Variants in COL23A1 observed in about 807,000 individuals in gnomAD.
COL23A1 encodes the protein collagen type XXIII alpha 1 chain.
Under a neutral mutation model 99.3 loss-of-function variants are expected in COL23A1, and 97 were observed. The ratio of observed to expected loss-of-function variants is 0.98; its 90% confidence interval spans 0.83 to 1.16. The LOEUF (loss-of-function observed/expected upper bound fraction) is 1.16, where lower values mean the gene tolerates loss of function less well. Ranked by LOEUF, COL23A1 falls within the 50% of genes most tolerant of loss-of-function variation. COL23A1 has a pLI of 0.00. For synonymous variants in COL23A1, 320 were observed against 308.2 expected (o/e 1.04, Z -0.40); for missense variants, 762 against 757.4 (o/e 1.01, Z -0.07).
intron 2 of COL23A1, among the ~76,000 whole-genome samples, chr5:178,528,901 A>C (rs1007955011): frequency 5.3e-5 from 8 of 152,252 alleles, no homozygotes; most frequent in African/African-American, 1.9e-4. Flanking sequence ...TTCTGATCCC[A>C]GAGTTCTTGG....
At chr5:178,539,801 A>C (rs1353354150) in intron 2 of COL23A1, among the ~76,000 whole-genome samples, 1 of 152,174 alleles carries the variant, frequency 6.6e-6, no homozygotes, top group Non-Finnish European at 1.5e-5. Flanking sequence ...CCTTATACCA[A>C]AACTGGACCA....
chr5:178,333,561 A>C (rs1244726594), intron 2 of COL23A1, among the ~76,000 whole-genome samples: 1 of 152,122 alleles, frequency 6.6e-6, no homozygotes, highest in Non-Finnish European at 1.5e-5. Context: ...CCAGTGATCA[A>C]GCCCTTTGTG....
chr5:178,259,754 G>C lies in COL23A1; in HGVS notation c.703-7C>G. ...CAGGTACTCCAGGCTCACCCTGGGG[G>C]AGGCAATGGGGGGTTCAAGAGCAAG... On this transcript the variant is annotated splice_region_variant and splice_polypyrimidine_tract_variant and intron_variant, in intron 11 of 28. Transcript: ENST00000390654. 6.2e-7 allele frequency: 1 copy of C among 1,603,334 alleles called. No homozygotes were observed. The highest frequency in any genetic ancestry group is 1.1e-5 in the South Asian group (1 of 89,280).
At chr5:178,360,668 A>C (rs1277393647) in intron 2 of COL23A1, among the ~76,000 whole-genome samples, 1 of 152,228 alleles carries the variant, frequency 6.6e-6, no homozygotes, top group African/African-American at 2.4e-5. Flanking sequence ...CATGAAACAT[A>C]ATATGTTTCG....
intron 2 of COL23A1, among the ~76,000 whole-genome samples, chr5:178,379,243 A>C (rs1243153915): frequency 6.6e-6 from 1 of 152,224 alleles, no homozygotes; most frequent in Non-Finnish European, 1.5e-5. Context: ...TCAACTAAAA[A>C]AAACCCTTAT....
chr5:178,331,586 G>A (rs895419060), intron 2 of COL23A1, among the ~76,000 whole-genome samples: 2 of 152,234 alleles, frequency 1.3e-5, no homozygotes, highest in Non-Finnish European at 2.9e-5. Context: ...AGCAGGGAGG[G>A]CGAGGCTCTG....
At chr5:178,585,633 C>T (rs78622783) in intron 1 of COL23A1, among the ~76,000 whole-genome samples, 4 of 25,064 alleles carry the variant, frequency 1.6e-4, no homozygotes, top group South Asian at 1.2e-3. Context: ...GCTGGGGTAA[C>T]ACTCCACAGC....
At chr5:178,277,764 TGC>T (rs1756672024) in intron 5 of COL23A1, among the ~76,000 whole-genome samples, 3 of 112,790 alleles carry the variant, frequency 2.7e-5, no homozygotes, top group African/African-American at 1.1e-4. Flanking sequence ...TACAGCACTG[TGC>T]CTTTGAACCG....
intron 2 of COL23A1, among the ~76,000 whole-genome samples, chr5:178,559,331 AG>A (rs1398343613): frequency 6.6e-6 from 1 of 152,254 alleles, no homozygotes; most frequent in Middle Eastern, 3.2e-3. Flanking sequence ...GGCTAATGGA[AG>A]GAATGAGAGA....
chr5:178,556,848 GA>G (rs1419828592), intron 2 of COL23A1, among the ~76,000 whole-genome samples: 1 of 151,782 alleles, frequency 6.6e-6, no homozygotes, highest in African/African-American at 2.4e-5. Flanking sequence ...AGCTACTCGG[GA>G]GGCTGAGGCA....
At chr5:178,448,748 G>A (rs1767313194) in intron 2 of COL23A1, among the ~76,000 whole-genome samples, 1 of 151,480 alleles carries the variant, frequency 6.6e-6, no homozygotes, top group South Asian at 2.1e-4. Flanking sequence ...GTATACTGCT[G>A]CACTGGAGAT....
intron 2 of COL23A1, among the ~76,000 whole-genome samples, chr5:178,538,013 A>G (rs1387396143): frequency 3.3e-5 from 5 of 152,194 alleles, no homozygotes; most frequent in Non-Finnish European, 1.5e-5. Flanking sequence ...AGTCGAATTC[A>G]TCCACGTTTG....
chr5:178,414,772 A>T (rs1425734940), intron 2 of COL23A1, among the ~76,000 whole-genome samples: 1 of 152,136 alleles, frequency 6.6e-6, no homozygotes, highest in Non-Finnish European at 1.5e-5. Flanking sequence ...ACTCCAACTA[A>T]ATAAAAAAAG....
At chr5:178,579,197 A>G (rs1309917543) in intron 1 of COL23A1, among the ~76,000 whole-genome samples, 2 of 152,204 alleles carry the variant, frequency 1.3e-5, no homozygotes, top group Non-Finnish European at 2.9e-5. Flanking sequence ...TAGCAAACAG[A>G]TGTAGACATT....
chr5:178,322,628 T>C (rs1270533776), intron 2 of COL23A1, among the ~76,000 whole-genome samples: 1 of 151,790 alleles, frequency 6.6e-6, no homozygotes, highest in Admixed American at 6.6e-5. Flanking sequence ...CTCCAGGTCA[T>C]GTGAAGATGA....
intron 2 of COL23A1, among the ~76,000 whole-genome samples, chr5:178,532,707 C>A (rs1312340103): frequency 2.6e-5 from 4 of 152,122 alleles, no homozygotes; most frequent in Admixed American, 2.6e-4. Flanking sequence ...GTGATGATGG[C>A]ATTTGGAGGC....
intron 2 of COL23A1, among the ~76,000 whole-genome samples, chr5:178,447,425 C>A (rs186883703): frequency 3.3e-5 from 5 of 152,172 alleles, no homozygotes; most frequent in Non-Finnish European, 7.3e-5. Flanking sequence ...GGGTCAATGA[C>A]GCATATACGG....
intron 2 of COL23A1, among the ~76,000 whole-genome samples, chr5:178,329,763 C>A (rs1334773079): frequency 1.3e-5 from 2 of 152,064 alleles, no homozygotes; most frequent in Non-Finnish European, 2.9e-5. Flanking sequence ...ATAGAGAAAC[C>A]CCATCTCTAC....
chr5:178,422,550 C>T (rs754384986), intron 2 of COL23A1, among the ~76,000 whole-genome samples: 1 of 152,136 alleles, frequency 6.6e-6, no homozygotes, highest in Non-Finnish European at 1.5e-5. Flanking sequence ...CATCATCCCC[C>T]CGCTGTCTGC....
Sources: gnomAD v4.1 joint callset for allele counts (sites outside exome capture counted in the v4.1 genomes callset) on GRCh38, gnomAD v4.1.1 for gene constraint, MANE v1.5 for transcripts, NCBI Gene and HGNC (gene_info 2026-07-23, HGNC 2026-07-21) for gene names.